The following VPS13B variants were observed in gnomAD, a reference collection of about 807,000 sequenced individuals.
The protein encoded by VPS13B is intermembrane lipid transfer protein VPS13B.
VPS13B carries 285 observed loss-of-function variants against 426.4 expected under a neutral mutation model. That is an observed-to-expected ratio of 0.67 (90% CI 0.61 to 0.74). The LOEUF (loss-of-function observed/expected upper bound fraction) is 0.74, where lower values mean the gene tolerates loss of function less well. VPS13B is among the 30% of genes least tolerant of loss of function. The pLI is 0.00. For synonymous variants in VPS13B, 1,676 were observed against 1,676.4 expected (o/e 1.00, Z 0.01); for missense variants, 4,537 against 4,782.6 (o/e 0.95, Z 1.51).
At chr8:99,379,870 C>A (rs80212355) in intron 19 of VPS13B, among the ~76,000 whole-genome samples, 3,098 of 152,172 alleles carry the variant, frequency 0.02, 116 homozygotes, top group African/African-American at 0.071. Flanking sequence ...TAATTTAAAT[C>A]TAATTTTAAT....
At chr8:99,629,393 A>G (rs1331498437) in intron 33 of VPS13B, among the ~76,000 whole-genome samples, 3 of 152,230 alleles carry the variant, frequency 2.0e-5, no homozygotes, top group African/African-American at 7.2e-5. Flanking sequence ...AGAAGTGGAT[A>G]TAACATGCTC....
chr8:99,307,005 G>T (rs542841905), intron 19 of VPS13B, among the ~76,000 whole-genome samples: 1 of 152,014 alleles, frequency 6.6e-6, no homozygotes, highest in Non-Finnish European at 1.5e-5. Context: ...TAATTAACTC[G>T]ATTAAACAAG....
At chr8:99,064,440 C>T (rs1297799953) in intron 3 of VPS13B, among the ~76,000 whole-genome samples, 2 of 152,108 alleles carry the variant, frequency 1.3e-5, no homozygotes, top group African/African-American at 2.4e-5. Context: ...AAAACCATGG[C>T]ATGAGAACTA....
chr8:99,054,041 T>G (rs1215184194), intron 3 of VPS13B, among the ~76,000 whole-genome samples: 5 of 152,212 alleles, frequency 3.3e-5, no homozygotes, highest in Non-Finnish European at 2.9e-5. Context: ...TAATATTTTT[T>G]TGTGTGTATT....
intron 35 of VPS13B, among the ~76,000 whole-genome samples, chr8:99,674,566 T>C (rs535182596): frequency 6.6e-6 from 1 of 152,170 alleles, no homozygotes; most frequent in Middle Eastern, 3.4e-3. Context: ...GTAAGCCATT[T>C]ACATTCAAGG....
At chr8:99,660,966 A>G (rs914036871) in intron 34 of VPS13B, among the ~76,000 whole-genome samples, 7 of 152,116 alleles carry the variant, frequency 4.6e-5, no homozygotes, top group Non-Finnish European at 7.4e-5. Flanking sequence ...TTGAAAATGT[A>G]TATGCTTTTT....
intron 21 of VPS13B, among the ~76,000 whole-genome samples, chr8:99,409,275 C>G (rs1048573347): frequency 1.3e-5 from 2 of 152,072 alleles, no homozygotes; most frequent in African/African-American, 4.8e-5. Context: ...TGATGAGAAT[C>G]TGGGTGATGA....
chr8:99,310,324 A>G (rs1820885172), intron 19 of VPS13B, among the ~76,000 whole-genome samples: 1 of 152,224 alleles, frequency 6.6e-6, no homozygotes, highest in Admixed American at 6.5e-5. Context: ...TGCATTTGTC[A>G]TAAATAGCTG....
chr8:99,741,877 G>T (rs1188786864), intron 39 of VPS13B, among the ~76,000 whole-genome samples: 1 of 151,612 alleles, frequency 6.6e-6, no homozygotes, highest in Admixed American at 6.6e-5. Flanking sequence ...AGGCAGGAAA[G>T]ATCTAAAATT....
intron 30 of VPS13B, among the ~76,000 whole-genome samples, chr8:99,546,213 A>AT (rs1188790276): frequency 6.6e-6 from 1 of 151,644 alleles, no homozygotes; most frequent in African/African-American, 2.4e-5. Context: ...ATGTGACAAC[A>AT]TTTTTTTAAA....
Position 99,467,493 on chromosome 8 carries a change from A to C in VPS13B, c.3525A>C (p.Leu1175=), listed in dbSNP as rs760564015. 1 of 1,613,774 alleles carries C rather than the reference A, an allele frequency of 6.2e-7. No homozygotes were observed. The highest frequency in any genetic ancestry group is 1.7e-5 in the Admixed American group (1 of 59,980). Residue 1175 remains leucine, a synonymous_variant, in exon 24 of 62, where the codon CTA becomes CTC. Transcript: ENST00000357162. ...TLLGKQVTLC[L]VEPMGCTSTL... ...TTGGAAAACAAGTGACACTTTGCCT[A>C]GTGGAACCTATGGGTTGCACCTCCA... is the stretch of plus-strand genomic sequence containing the variant.
intron 28 of VPS13B, among the ~76,000 whole-genome samples, chr8:99,509,473 G>T (rs1185693963): frequency 6.6e-6 from 1 of 151,890 alleles, no homozygotes; most frequent in Non-Finnish European, 1.5e-5. Context: ...TCATTATAAA[G>T]TCTAAATTAA....
chr8:99,089,040 G>T (rs757363097), intron 3 of VPS13B, among the ~76,000 whole-genome samples: 2 of 152,174 alleles, frequency 1.3e-5, no homozygotes, highest in African/African-American at 2.4e-5. Flanking sequence ...AGGATAGGTT[G>T]TTAATTTAGT....
chr8:99,209,410 A>T, intron 17 of VPS13B, among the ~76,000 whole-genome samples: 1 of 152,248 alleles, frequency 6.6e-6, no homozygotes, highest in East Asian at 1.9e-4. Flanking sequence ...TGGATTTATT[A>T]ATGTGAATCC....
chr8:99,103,184 C>T (rs1846853133), intron 5 of VPS13B, 64 bp downstream of exon 5: 7 of 1,585,094 alleles, frequency 4.4e-6, no homozygotes, highest in Non-Finnish European at 6.1e-6. Context: ...TAACTCTTAA[C>T]CCTTCTTTGG....
chr8:99,843,659 A>G (rs1459419190), intron 54 of VPS13B, among the ~76,000 whole-genome samples: 1 of 152,228 alleles, frequency 6.6e-6, no homozygotes, highest in African/African-American at 2.4e-5. Flanking sequence ...TTCTGGGCAC[A>G]TATTGTGGGG....
intron 22 of VPS13B, among the ~76,000 whole-genome samples, chr8:99,435,926 G>A (rs2133422978): frequency 6.6e-6 from 1 of 152,308 alleles, no homozygotes; most frequent in East Asian, 1.9e-4. Flanking sequence ...CAGGTTAAGA[G>A]AAGAGATATA....
chr8:99,629,488 G>A (rs1338973851), intron 33 of VPS13B, among the ~76,000 whole-genome samples: 2 of 152,148 alleles, frequency 1.3e-5, no homozygotes, highest in Non-Finnish European at 2.9e-5. Context: ...AAGTGATAGA[G>A]ACAGCTTGTT....
intron 13 of VPS13B, among the ~76,000 whole-genome samples, chr8:99,144,980 C>T (rs558073480): frequency 3.3e-5 from 5 of 152,068 alleles, no homozygotes; most frequent in Admixed American, 6.6e-5. Context: ...AATGATGTAA[C>T]GGAGTGAATC....
Sources: allele counts gnomAD v4.1 joint callset (sites outside exome capture counted in the v4.1 genomes callset), GRCh38; gene constraint gnomAD v4.1.1; transcripts MANE v1.5; gene names NCBI Gene and HGNC (gene_info 2026-07-23, HGNC 2026-07-21).